Variants in TAMM41 observed in about 807,000 individuals in gnomAD.
The protein encoded by TAMM41 is phosphatidate cytidylyltransferase, mitochondrial.
Under a neutral mutation model 44.1 loss-of-function variants are expected in TAMM41, and 36 were observed. That is an observed-to-expected ratio of 0.82 (90% CI 0.63 to 1.08). The LOEUF (loss-of-function observed/expected upper bound fraction) is 1.08, where lower values mean the gene tolerates loss of function less well. TAMM41 is among the 50% of genes least tolerant of loss of function. The probability of loss-of-function intolerance (pLI) is 0.00; values close to 1 mark genes in which losing one functional copy is unlikely to be tolerated. For missense variants in TAMM41, 417 were observed against 404.3 expected (o/e 1.03, Z -0.27); for synonymous variants, 164 against 153.1 (o/e 1.07, Z -0.53).
At chr3:11,757,021 T>G in the TAMM41 span, among the ~76,000 whole-genome samples, 4 of 152,208 alleles carry the variant, frequency 2.6e-5, no homozygotes, top group Admixed American at 2.0e-4. Context: ...CTGGGAACTA[T>G]TCTAGCTGAG....
chr3:11,815,544 G>C (rs1486556011), intron 5 of TAMM41, among the ~76,000 whole-genome samples: 1 of 152,148 alleles, frequency 6.6e-6, no homozygotes, highest in Non-Finnish European at 1.5e-5. Context: ...TAATGCCACA[G>C]CTCATCAATA....
chr3:11,804,613 C>T (rs1005383401), intron 7 of TAMM41, among the ~76,000 whole-genome samples: 1 of 152,128 alleles, frequency 6.6e-6, no homozygotes, highest in Non-Finnish European at 1.5e-5. Context: ...TTAAGCCTCA[C>T]CCAAGGAGGA....
chr3:11,805,395 C>T (rs2077877572), intron 7 of TAMM41, among the ~76,000 whole-genome samples: 1 of 152,104 alleles, frequency 6.6e-6, no homozygotes, highest in South Asian at 2.1e-4. Context: ...CCTTGGCCTC[C>T]CAAAGTGCTG....
At chr3:11,846,471 A>G (rs373142657) in intron 1 of TAMM41, 31 bp downstream of exon 1, 108 of 1,612,046 alleles carry the variant, frequency 6.7e-5, no homozygotes, top group Non-Finnish European at 8.5e-5. Context: ...GAGAACAGAC[A>G]GTTCCCCGTC....
chr3:11,805,287 T>A (rs546650126), intron 7 of TAMM41, among the ~76,000 whole-genome samples: 1 of 150,864 alleles, frequency 6.6e-6, no homozygotes, highest in African/African-American at 2.4e-5. Flanking sequence ...CAGGCATGAG[T>A]CACCACATCC....
chr3:11,778,870 T>A, the TAMM41 span, among the ~76,000 whole-genome samples: 3 of 152,206 alleles, frequency 2.0e-5, no homozygotes, highest in African/African-American at 7.2e-5. Flanking sequence ...AAGTGCCTTA[T>A]CAGATACATG....
At chr3:11,834,909 A>G (rs1032761834) in intron 3 of TAMM41, among the ~76,000 whole-genome samples, 2 of 152,128 alleles carry the variant, frequency 1.3e-5, no homozygotes, top group African/African-American at 4.8e-5. Flanking sequence ...GCTGGTCTCG[A>G]ACTCCTGACC....
chr3:11,765,741 G>A, the TAMM41 span, among the ~76,000 whole-genome samples: 16 of 147,444 alleles, frequency 1.1e-4, no homozygotes, highest in South Asian at 4.3e-4. Flanking sequence ...TCATTCTGTC[G>A]CCCAGGCTGG....
chr3:11,739,878 A>AG, the TAMM41 span, among the ~76,000 whole-genome samples: 2 of 152,050 alleles, frequency 1.3e-5, no homozygotes, highest in Admixed American at 6.6e-5. Flanking sequence ...ACGCAGTCTC[A>AG]GGGGCAAGAC....
chr3:11,732,863 G>A, the TAMM41 span, among the ~76,000 whole-genome samples: 1 of 152,172 alleles, frequency 6.6e-6, no homozygotes, highest in African/African-American at 2.4e-5. Flanking sequence ...AGGAAATAGG[G>A]GTTGGGGGGA....
At chr3:11,752,270 G>A in the TAMM41 span, among the ~76,000 whole-genome samples, 1 of 152,098 alleles carries the variant, frequency 6.6e-6, no homozygotes, top group Admixed American at 6.6e-5. Context: ...AAGGTGACAG[G>A]GGCCCAAAGA....
chr3:11,755,408 T>C, the TAMM41 span, among the ~76,000 whole-genome samples: 1 of 152,116 alleles, frequency 6.6e-6, no homozygotes, highest in East Asian at 1.9e-4. Context: ...GGAAGGCCTG[T>C]TGCAGGAGAG....
chr3:11,729,046 G>A, the TAMM41 span, among the ~76,000 whole-genome samples: 3 of 150,066 alleles, frequency 2.0e-5, no homozygotes, highest in Admixed American at 6.7e-5. Flanking sequence ...CCAGGGAGTC[G>A]GTGATGTGTG....
At chr3:11,826,384 C>T (rs1290911205) in intron 4 of TAMM41, among the ~76,000 whole-genome samples, 1 of 151,922 alleles carries the variant, frequency 6.6e-6, no homozygotes, top group Non-Finnish European at 1.5e-5. Context: ...ACGAAATTAG[C>T]CAGCCGTGGT....
At chr3:11,815,873 G>A (rs759456295) in intron 5 of TAMM41, among the ~76,000 whole-genome samples, 5 of 152,194 alleles carry the variant, frequency 3.3e-5, no homozygotes, top group Non-Finnish European at 7.3e-5. Flanking sequence ...GCTGCCTCTG[G>A]TAAGCAGGGC....
the TAMM41 span, among the ~76,000 whole-genome samples, chr3:11,749,810 C>T: frequency 6.6e-6 from 1 of 152,096 alleles, no homozygotes; most frequent in African/African-American, 2.4e-5. Context: ...TTAGTGAGAC[C>T]CACTGTGGCC....
rs1040454742 is a variant in TAMM41, at chr3:11,833,015, T to C, written c.412-3151A>G. 13 of 1,062,146 alleles carry C rather than the reference T, an allele frequency of 1.2e-5. No individual in the cohort carries two copies. In the Admixed American group the frequency reaches 6.0e-4, roughly 49 times the overall value. 65.8% of individuals were successfully genotyped at this position (1,062,146 alleles called of 1,614,324 possible). On this transcript the variant is annotated intron_variant, in intron 3 of 7. Transcript: ENST00000455809. ...AAAGCATCCTTACTCAAAGGAAAAA[T>C]GTCAGTTCGGAAGATTCTGCTACTG... is the stretch of plus-strand genomic sequence containing the variant.
At chr3:11,795,968 G>T (rs1279107992) in intron 7 of TAMM41, among the ~76,000 whole-genome samples, 2 of 152,152 alleles carry the variant, frequency 1.3e-5, no homozygotes, top group Non-Finnish European at 2.9e-5. Flanking sequence ...TCTACTAGCA[G>T]CACAGTCTAA....
chr3:11,808,530 C>A, intron 6 of TAMM41: 1 of 985,528 alleles, frequency 1.0e-6, no homozygotes, highest in Non-Finnish European at 1.2e-6. Flanking sequence ...ATGGTCTTTG[C>A]AAAGCATTAC....
Sources: allele counts gnomAD v4.1 joint callset (sites outside exome capture counted in the v4.1 genomes callset), GRCh38; gene constraint gnomAD v4.1.1; transcripts MANE v1.5; gene names NCBI Gene and HGNC (gene_info 2026-07-23, HGNC 2026-07-21).